The following DLGAP4 variants were observed in gnomAD, a reference collection of about 807,000 sequenced individuals.
DLGAP4 encodes disks large-associated protein 4.
DLGAP4 carries 18 observed loss-of-function variants against 86.9 expected under a neutral mutation model. The observed-to-expected ratio is 0.21, with a 90% CI of 0.14 to 0.31. DLGAP4 has a LOEUF of 0.31. DLGAP4 is among the 10% of genes least tolerant of loss of function. The probability of loss-of-function intolerance (pLI) is 1.00; values close to 1 mark genes in which losing one functional copy is unlikely to be tolerated. For missense variants in DLGAP4, 1,085 were observed against 1,362.6 expected (o/e 0.80, Z 3.21); for synonymous variants, 548 against 574.3 (o/e 0.95, Z 0.65).
rs1600735343 is a variant in DLGAP4 at position 36,528,202 on chromosome 20, T to C, written c.*1171T>C. On this transcript the variant is annotated 3_prime_UTR_variant, in exon 13 of 13. Transcript: ENST00000339266. ...CTCCTAAGGGCCCATCTGCCCAGCC[T>C]CTGAGTTTTCTGTTCTATTTTTTTT... 2 of 140,090 alleles carry C rather than the reference T, an allele frequency of 1.4e-5. No homozygotes were observed. The highest frequency in any genetic ancestry group is 2.8e-5 in the African/African-American group (1 of 35,184). The allele number at this position is 140,090 out of a possible 1,614,324, so 8.7% of individuals were successfully genotyped here.
Position 36,436,166 on chromosome 20 carries a change from G to A in DLGAP4, c.1057G>A (p.Ala353Thr). 6.3e-7 allele frequency: 1 copy of A among 1,596,812 alleles called. No individual in the cohort carries two copies. Among genetic ancestry groups the A allele is most frequent in the Non-Finnish European group, 8.5e-7 (1 of 1,177,116 alleles). Residue 353 changes from alanine (A) to threonine (T), a missense_variant, in exon 4 of 13, where the codon GCC becomes ACC. Physicochemically the swap from Ala to Thr is moderately conservative, Grantham distance 58. Transcript: ENST00000339266. ...GCTGCTGTCCCCACGCGAGACGGAT[G>A]CCGCGGCCGAGGGCCCTATCCCGTG... ...TTLLSPRETD[A>T]AAEGPIPCRR... is the part of the protein sequence containing the mutation.
intron 11 of DLGAP4, 40 bp downstream of exon 11, chr20:36,524,381 C>T: frequency 6.4e-7 from 1 of 1,554,624 alleles, no homozygotes; most frequent in Non-Finnish European, 8.8e-7. Flanking sequence ...GGGCTTCCAG[C>T]CTTTGGCTGC....
chr20:36,335,055 T>C (rs1207896110), intron 1 of DLGAP4, among the ~76,000 whole-genome samples: 1 of 152,162 alleles, frequency 6.6e-6, no homozygotes, highest in South Asian at 2.1e-4. Flanking sequence ...TAATTAAAGC[T>C]GCAGGTTGGA....
chr20:36,406,582 G>C (rs1210201864), intron 2 of DLGAP4, among the ~76,000 whole-genome samples: 1 of 151,828 alleles, frequency 6.6e-6, no homozygotes, highest in Admixed American at 6.6e-5. Flanking sequence ...GGGACCTCCA[G>C]GGGGCTGGCC....
At chr20:36,380,422 A>G (rs1209542363) in intron 2 of DLGAP4, among the ~76,000 whole-genome samples, 1 of 151,934 alleles carries the variant, frequency 6.6e-6, no homozygotes, top group Non-Finnish European at 1.5e-5. Context: ...AAGTAAAAAT[A>G]ATTTAAAAAA....
chr20:36,374,629 G>T (rs1231834539), intron 2 of DLGAP4, among the ~76,000 whole-genome samples: 8 of 152,332 alleles, frequency 5.3e-5, no homozygotes, highest in African/African-American at 1.9e-4. Flanking sequence ...TTAGATCAAG[G>T]CCCCACATGG....
At chr20:36,317,645 T>TG (rs2065122777) in intron 1 of DLGAP4, among the ~76,000 whole-genome samples, 1 of 149,692 alleles carries the variant, frequency 6.7e-6, no homozygotes, top group Non-Finnish European at 1.5e-5. Context: ...AATTTAGAGA[T>TG]GGGGTCTTGC....
chr20:36,407,043 G>T (rs1279248003), intron 2 of DLGAP4, among the ~76,000 whole-genome samples: 1 of 152,074 alleles, frequency 6.6e-6, no homozygotes. Flanking sequence ...CTACTTACCA[G>T]AGGAACTAGA....
Position 36,446,188 on chromosome 20 carries a change from A to C in DLGAP4, c.1408-509A>C, listed in dbSNP as rs2033587359. 2.6e-5 allele frequency among the ~76,000 whole-genome samples: 4 copies of C among 152,182 alleles called. No homozygotes were observed. In the South Asian group the frequency reaches 8.3e-4, roughly 32 times the overall value. ...AAGAGGGCTAGATTAATCTTCCTTA[A>C]ATACATATTTGGAGTGTTGGTTCTG... On this transcript the variant is annotated intron_variant, in intron 6 of 12. Coordinates refer to ENST00000339266, the MANE Select transcript of DLGAP4 (RefSeq NM_001365621.2).
intron 7 of DLGAP4, among the ~76,000 whole-genome samples, chr20:36,476,687 A>ATTTTTTTTTTTTTTTTTTGGTTT (rs74173983): frequency 1.1e-5 from 1 of 91,540 alleles, no homozygotes; most frequent in Non-Finnish European, 1.9e-5. Flanking sequence ...CACTAGCCCA[A>ATTTTTTTTTTTTTTTTTTGGTTT]TTTTTTTTTT....
intron 2 of DLGAP4, among the ~76,000 whole-genome samples, chr20:36,428,005 A>G (rs543354868): frequency 6.6e-6 from 1 of 152,316 alleles, no homozygotes; most frequent in Admixed American, 6.5e-5. Flanking sequence ...TATGCAGCTA[A>G]TAGATACTCA....
At chr20:36,387,289 T>C (rs1267387271) in intron 2 of DLGAP4, among the ~76,000 whole-genome samples, 1 of 152,234 alleles carries the variant, frequency 6.6e-6, no homozygotes, top group East Asian at 1.9e-4. Flanking sequence ...CATGATGTGT[T>C]TAGCGGTCAT....
At chr20:36,473,645 C>T (rs2034777481) in intron 7 of DLGAP4, among the ~76,000 whole-genome samples, 2 of 152,104 alleles carry the variant, frequency 1.3e-5, no homozygotes, top group Admixed American at 1.3e-4. Context: ...TAGAGATTTC[C>T]CACTATGCTA....
rs1407651485 is a variant in DLGAP4, at chr20:36,500,620, C to T, written c.2512+9C>T. ...CAACCTCTCTGAAGAAGGTGGGTGC[C>T]ACATGGATGGTCCTTGGGCAAGGGT... On this transcript the variant is annotated intron_variant, in intron 10 of 12. Transcript: ENST00000339266. This position sits in a 1 kb window ranked among gnomAD's most constrained non-coding sequence, Gnocchi z 4.6. 1.3e-6 allele frequency: 2 copies of T among 1,482,612 alleles called. No individual in the cohort carries two copies. The highest frequency in any genetic ancestry group is 1.8e-6 in the Non-Finnish European group (2 of 1,116,332). The allele number at this position is 1,482,612 out of a possible 1,614,324, so 91.8% of individuals were successfully genotyped here. A position where few individuals can be genotyped will look rare whatever the true frequency, so the allele number is the denominator to read the frequency against.
chr20:36,408,675 G>C (rs974679618), intron 2 of DLGAP4, among the ~76,000 whole-genome samples: 2 of 152,184 alleles, frequency 1.3e-5, no homozygotes, highest in African/African-American at 4.8e-5. Context: ...CTAGCACTGA[G>C]GTCAGGTCAG....
intron 7 of DLGAP4, among the ~76,000 whole-genome samples, chr20:36,453,934 CAAAAAAAAAAAAA>C (rs1194294335): frequency 2.3e-5 from 1 of 42,694 alleles, no homozygotes; most frequent in African/African-American, 8.5e-5. Context: ...ACTCTGTCTC[CAAAAAAAAAAAAA>C]AAAAAAAAAG....
At chr20:36,340,142 C>A (rs1340659685) in intron 1 of DLGAP4, among the ~76,000 whole-genome samples, 1 of 152,124 alleles carries the variant, frequency 6.6e-6, no homozygotes, top group Non-Finnish European at 1.5e-5. Flanking sequence ...GTTCCCAATA[C>A]CCTCACCTCT....
chr20:36,321,999 G>C (rs1475394452), intron 1 of DLGAP4, among the ~76,000 whole-genome samples: 1 of 152,142 alleles, frequency 6.6e-6, no homozygotes, highest in Admixed American at 6.5e-5. Context: ...GAGGGGACAT[G>C]GCTCTGAGTG....
Position 36,431,193 on chromosome 20 carries a change from G to C in DLGAP4, c.-72-453G>C, listed in dbSNP as rs1446499960. Among the ~76,000 whole-genome samples the C allele has an allele frequency of 6.6e-6, 1 of 152,118 alleles. No homozygotes were observed. The highest frequency in any genetic ancestry group is 1.9e-4 in the East Asian group (1 of 5,184). ...ACCCTGCCACAGGGACCATCCTGGG[G>C]TTCCGGGATGACTGTTTGGGGGCCT... On this transcript the variant is annotated intron_variant, in intron 2 of 12. Transcript: ENST00000339266. This position sits in a 1 kb window ranked among gnomAD's most constrained non-coding sequence, Gnocchi z 5.1.
Sources: gnomAD v4.1 joint callset for allele counts (sites outside exome capture counted in the v4.1 genomes callset) on GRCh38, gnomAD v4.1.1 for gene constraint, Gnocchi (gnomAD v3.1) non-coding constraint, MANE v1.5 for transcripts, NCBI Gene and HGNC (gene_info 2026-07-23, HGNC 2026-07-21) for gene names.